The following VAC14 variants were observed in gnomAD, a reference collection of about 807,000 sequenced individuals.
The protein encoded by VAC14 is VAC14 component of PIKFYVE complex, also known as protein VAC14 homolog.
Under a neutral mutation model 85.3 loss-of-function variants are expected in VAC14, and 47 were observed. That is an observed-to-expected ratio of 0.55 (90% CI 0.44 to 0.70). VAC14 has a LOEUF of 0.70. Ranked by LOEUF, VAC14 falls within the 30% of genes least tolerant of loss-of-function variation. VAC14 has a pLI of 0.00. For synonymous variants in VAC14, 447 were observed against 430.5 expected (o/e 1.04, Z -0.47); for missense variants, 861 against 1,004.3 (o/e 0.86, Z 1.93).
rs760928295 is a variant in VAC14, at chr16:70,692,144, C to T, written c.2186+677G>A. ...AAATATAGATGCAGCCCTACAGGCT[C>T]TGGGGTAGGGGCCAGCCGTGGGTTC... On this transcript the variant is annotated intron_variant, in intron 18 of 18. Transcript: ENST00000261776. 3.0e-5 allele frequency: 29 copies of T among 962,474 alleles called. 1 individual carries two copies. The highest frequency in any genetic ancestry group is 5.4e-4 in the Middle Eastern group (1 of 1,856). The allele number at this position is 962,474 out of a possible 1,614,324, so 59.6% of individuals were successfully genotyped here.
intron 13 of VAC14, among the ~76,000 whole-genome samples, chr16:70,734,859 G>C (rs1291377171): frequency 2.0e-5 from 3 of 152,050 alleles, no homozygotes; most frequent in Non-Finnish European, 4.4e-5. Context: ...CAGAGGAGCT[G>C]TGAATTTGGG....
intron 10 of VAC14, chr16:70,768,556 G>A (rs1398770815): frequency 3.3e-6 from 1 of 304,522 alleles, no homozygotes; most frequent in East Asian, 1.3e-4. Flanking sequence ...CTCACCACCT[G>A]CTGCTTTTCC....
chr16:70,741,909 G>C (rs1567556500), intron 13 of VAC14, among the ~76,000 whole-genome samples: 1 of 152,272 alleles, frequency 6.6e-6, no homozygotes, highest in African/African-American at 2.4e-5. Flanking sequence ...GCAGCGCAAA[G>C]GGCTTGATGC....
intron 14 of VAC14, among the ~76,000 whole-genome samples, chr16:70,725,137 A>G (rs939945427): frequency 6.6e-6 from 1 of 152,258 alleles, no homozygotes; most frequent in African/African-American, 2.4e-5. Flanking sequence ...CATTAGCACC[A>G]GCACAATGGG....
chr16:70,761,033 G>A (rs1172310977), intron 12 of VAC14: 2 of 353,576 alleles, frequency 5.7e-6, no homozygotes, highest in East Asian at 1.8e-4. Context: ...GGGGGGGCGG[G>A]GGGTAGGCAG....
At chr16:70,705,120 G>A (rs1346465407) in intron 14 of VAC14, among the ~76,000 whole-genome samples, 1 of 152,188 alleles carries the variant, frequency 6.6e-6, no homozygotes, top group East Asian at 1.9e-4. Flanking sequence ...GCATGCTACT[G>A]GCCCCCCGCC....
At chr16:70,689,051 A>G in intron 18 of VAC14, 1 of 985,212 alleles carries the variant, frequency 1.0e-6, no homozygotes, top group Non-Finnish European at 1.2e-6. Context: ...TTATGAAAAG[A>G]TGCCAATCGG....
intron 14 of VAC14, among the ~76,000 whole-genome samples, chr16:70,702,109 C>T (rs2053839455): frequency 6.6e-6 from 1 of 152,240 alleles, no homozygotes; most frequent in Admixed American, 6.5e-5. Flanking sequence ...ACTGACCCTC[C>T]ACCCCCTCCG....
chr16:70,717,290 G>A (rs575774584), intron 14 of VAC14, among the ~76,000 whole-genome samples: 124 of 152,368 alleles, frequency 8.1e-4, no homozygotes, highest in African/African-American at 1.4e-3. Context: ...GCCACAAAGC[G>A]GGTGGCCTGT....
At chr16:70,717,289 C>T (rs1045784004) in intron 14 of VAC14, among the ~76,000 whole-genome samples, 4 of 152,226 alleles carry the variant, frequency 2.6e-5, no homozygotes, top group South Asian at 2.1e-4. Context: ...GGCCACAAAG[C>T]GGGTGGCCTG....
At chr16:70,713,755 G>A (rs1405726509) in intron 14 of VAC14, among the ~76,000 whole-genome samples, 1 of 150,438 alleles carries the variant, frequency 6.6e-6, no homozygotes, top group African/African-American at 2.5e-5. Context: ...TGTTGCCCAG[G>A]TTGGTCTTGA....
In VAC14 at chr16:70,744,490, G is replaced by A. The variant is rs1469877019; in HGVS notation, c.1461C>T (p.Asp487=). Residue 487 remains aspartate (D), a synonymous_variant, in exon 13 of 19, where the codon GAC becomes GAT. Transcript: ENST00000261776. ...GGAGCTCTGAGTGGCTGGCCTGGAG[G>A]TCAGGGCCATCGAGGGGGCCTGGGT... ...TDDPGPLDGP[D]LQASHSELQV... 4 of 1,613,698 alleles carry A rather than the reference G, an allele frequency of 2.5e-6. No individual in the cohort carries two copies. The highest frequency in any genetic ancestry group is 2.2e-5 in the East Asian group (1 of 44,882).
chr16:70,725,230 C>G (rs995250787), intron 14 of VAC14, among the ~76,000 whole-genome samples: 2 of 152,216 alleles, frequency 1.3e-5, no homozygotes, highest in Non-Finnish European at 2.9e-5. Flanking sequence ...GGTCCCGATG[C>G]CAAATGGACT....
chr16:70,783,453 A>C lies in VAC14; in HGVS notation c.696T>G (p.Ile232Met), dbSNP rs1598007505. 6.2e-7 allele frequency: 1 copy of C among 1,614,046 alleles called. No individual in the cohort carries two copies. Among genetic ancestry groups the C allele is most frequent in the Non-Finnish European group, 8.5e-7 (1 of 1,180,024 alleles). Residue 232 changes from isoleucine (I) to methionine (M), a missense_variant, in exon 6 of 19, where the codon ATT becomes ATG. This residue lies in a region of VAC14 where 629 missense variants were observed against 703.1 expected (regional missense o/e 0.89). Transcript: ENST00000261776. The stretch of plus-strand genomic sequence containing the variant: ...CCCCTTACTCCACTCACATTTTGCG[A>C]ATCTCTTTGCCATTGTCACCCAGGA... ...FQILGDNGKE[I>M]RKMCEVVLGE...
intron 9 of VAC14, among the ~76,000 whole-genome samples, chr16:70,773,480 C>G (rs1241248017): frequency 1.3e-5 from 2 of 152,160 alleles, no homozygotes; most frequent in Non-Finnish European, 2.9e-5. Flanking sequence ...TGTTCTAGAT[C>G]TGGAAAGCTG....
At chr16:70,795,205 G>C (rs1011868395) in intron 1 of VAC14, among the ~76,000 whole-genome samples, 3 of 152,180 alleles carry the variant, frequency 2.0e-5, no homozygotes, top group African/African-American at 7.2e-5. Context: ...AGTGGCTCAT[G>C]CCTGTAATCC....
At chr16:70,770,814 G>A (rs2033163197) in intron 10 of VAC14, 1 of 152,216 alleles carries the variant, frequency 6.6e-6, no homozygotes, top group African/African-American at 2.4e-5. Context: ...GGCAACATTC[G>A]CTGATCTCCT....
intron 13 of VAC14, among the ~76,000 whole-genome samples, chr16:70,735,649 G>A (rs1385114416): frequency 6.6e-6 from 1 of 152,242 alleles, no homozygotes; most frequent in African/African-American, 2.4e-5. Flanking sequence ...CTTACCAAGA[G>A]CCACACCTCC....
chr16:70,779,819 G>C (rs536876805), intron 9 of VAC14, among the ~76,000 whole-genome samples: 1 of 151,934 alleles, frequency 6.6e-6, no homozygotes, highest in African/African-American at 2.4e-5. Context: ...GATGCCAGTC[G>C]GCATAAATGT....
Sources: gnomAD v4.1 joint callset for allele counts (sites outside exome capture counted in the v4.1 genomes callset) on GRCh38, gnomAD v4.1.1 for gene constraint, gnomAD v4.1.1 regional missense constraint, MANE v1.5 for transcripts, NCBI Gene and HGNC (gene_info 2026-07-23, HGNC 2026-07-21) for gene names.